The following CDC37 variants were observed in gnomAD, a reference collection of about 807,000 sequenced individuals.
CDC37 encodes the protein cell division cycle 37, HSP90 cochaperone, also known as hsp90 co-chaperone Cdc37.
In CDC37, 9 loss-of-function variants were observed where a neutral mutation model predicts 46.9. The ratio of observed to expected loss-of-function variants is 0.19; its 90% CI spans 0.12 to 0.33. The LOEUF (loss-of-function observed/expected upper bound fraction) is 0.33. CDC37 is among the 10% of genes least tolerant of loss of function. CDC37 has a pLI of 1.00. For synonymous variants in CDC37, 193 were observed against 191.0 expected (o/e 1.01, Z -0.09); for missense variants, 388 against 514.6 (o/e 0.75, Z 2.38).
intron 3 of CDC37, 36 bp from the exon 4 acceptor site, chr19:10,395,379 T>C: frequency 1.9e-6 from 3 of 1,608,794 alleles, no homozygotes; most frequent in Non-Finnish European, 2.6e-6. Context: ...TGGAGGGCCC[T>C]GGAGGCAAAG....
rs2042481280 is a variant in CDC37 at position 10,395,263 on chromosome 19, G to A, written c.568C>T (p.Leu190=). ...HLVCEETANY[L]VIWCIDLEVE... ...TCTAGGTCAATGCACCAAATGACCA[G>A]GTAATTGGCTGTCTCCTCGCACACC... Residue 190 remains leucine (L), a synonymous_variant, in exon 4 of 8, where the codon CTG becomes TTG. Transcript: ENST00000222005. 6.2e-7 allele frequency: 1 copy of A among 1,614,062 alleles called. No individual in the cohort carries two copies. The highest frequency in any genetic ancestry group is 8.5e-7 in the Non-Finnish European group (1 of 1,179,926).
chr19:10,400,310 G>A (rs911957816), intron 1 of CDC37, among the ~76,000 whole-genome samples: 2 of 152,176 alleles, frequency 1.3e-5, no homozygotes, highest in African/African-American at 4.8e-5. Context: ...ACCACTAACA[G>A]CAGCTGTCTC....
intron 5 of CDC37, 139 bp downstream of exon 5, chr19:10,394,882 C>G: frequency 4.2e-6 from 4 of 947,666 alleles, no homozygotes; most frequent in Non-Finnish European, 4.5e-6. Context: ...TCCTCCCTGG[C>G]CCCACCCTCT....
Position 10,395,714 on chromosome 19 carries a change from G to A in CDC37, c.379-171C>T, listed in dbSNP as rs529196446. 2.1e-5 allele frequency: 16 copies of A among 754,628 alleles called. No homozygotes were observed. The South Asian group carries it at 2.5e-4, about 12-fold the overall frequency. 46.7% of individuals were successfully genotyped at this position (754,628 alleles called of 1,614,324 possible). ...GCATGGGCCTTGGGGCAGATCAGAGGAGGGGACCGGTGGGGTGTTTCATCC... is the reference window on the plus strand; with the variant it reads ...GCATGGGCCTTGGGGCAGATCAGAGAAGGGGACCGGTGGGGTGTTTCATCC... On this transcript the variant is annotated intron_variant, in intron 2 of 7. Coordinates refer to ENST00000222005, the MANE Select transcript of CDC37 (RefSeq NM_007065.4).
chr19:10,393,318 T>C lies in CDC37; in HGVS notation c.850A>G (p.Lys284Glu). 6.2e-7 allele frequency: 1 copy of C among 1,614,046 alleles called. No individual in the cohort carries two copies. Among genetic ancestry groups the C allele is most frequent in the Non-Finnish European group, 8.5e-7 (1 of 1,179,958 alleles). Reference sequence around the variant, plus strand: ...AGGCCGCCGGGGCCGAGCCGCTTCTTGCGCTCCTCCTCCTCGTACTCCTTC... The same window carrying C: ...AGGCCGCCGGGGCCGAGCCGCTTCTCGCGCTCCTCCTCCTCGTACTCCTTC... Reference protein sequence around the residue: ...AMKEYEEEERKKRLGPGGLDP... With the variant: ...AMKEYEEEEREKRLGPGGLDP... The change falls in exon 6 of 8, where the codon AAG becomes GAG. Residue 284 changes from lysine (K) to glutamate (E), a missense_variant. Lys to Glu is a moderately conservative substitution (Grantham distance 56, BLOSUM62 1). Coordinates refer to ENST00000222005, the MANE Select transcript of CDC37 (RefSeq NM_007065.4). This position sits in a 1 kb window ranked among gnomAD's most constrained non-coding sequence, Gnocchi z 4.9.
chr19:10,403,286 G>A (rs2042529967), intron 1 of CDC37, 92 bp downstream of exon 1: 2 of 921,744 alleles, frequency 2.2e-6, no homozygotes, highest in Admixed American at 2.0e-5. Flanking sequence ...AGAATCCTAG[G>A]TGTGAACAGC....
At chr19:10,399,955 A>AAAAAAAAAAAAAAAAAAAAAAAC in intron 1 of CDC37, among the ~76,000 whole-genome samples, 1 of 148,404 alleles carries the variant, frequency 6.7e-6, no homozygotes, top group Non-Finnish European at 1.5e-5. Flanking sequence ...AAAAAAAAAA[A>AAAAAAAAAAAAAAAAAAAAAAAC]AGCAGCTGTG....
chr19:10,395,274 G>T lies in CDC37; in HGVS notation c.557C>A (p.Thr186Lys). 1 of 1,614,128 alleles carries T rather than the reference G, an allele frequency of 6.2e-7. No individual in the cohort carries two copies. The highest frequency in any genetic ancestry group is 8.5e-7 in the Non-Finnish European group (1 of 1,180,010). Residue 186 changes from threonine (T) to lysine (K), a missense_variant, in exon 4 of 8, where the codon ACA becomes AAA. Physicochemically the swap from Thr to Lys is moderately conservative, Grantham distance 78. Coordinates refer to ENST00000222005, the MANE Select transcript of CDC37 (RefSeq NM_007065.4). ...SDNVHLVCEE[T>K]ANYLVIWCID... ...GCACCAAATGACCAGGTAATTGGCT[G>T]TCTCCTCGCACACCAGGTGGACGTT...
chr19:10,403,005 G>T (rs761401103), intron 1 of CDC37, among the ~76,000 whole-genome samples: 1 of 152,172 alleles, frequency 6.6e-6, no homozygotes, highest in Non-Finnish European at 1.5e-5. Context: ...CGAATAGGAT[G>T]AGGGATCATC....
intron 5 of CDC37, among the ~76,000 whole-genome samples, chr19:10,394,390 C>T (rs1197166298): frequency 6.6e-6 from 1 of 152,132 alleles, no homozygotes; most frequent in Non-Finnish European, 1.5e-5. Context: ...TTTGCTCTGT[C>T]ACCCAGGCTG....
intron 1 of CDC37, among the ~76,000 whole-genome samples, chr19:10,399,680 C>G (rs2042508428): frequency 6.6e-6 from 1 of 151,226 alleles, no homozygotes; most frequent in South Asian, 2.1e-4. Context: ...TGCCTGTAAT[C>G]CCAACACTTT....
intron 4 of CDC37, 41 bp from the exon 5 acceptor site, chr19:10,395,184 T>C (rs770666678): frequency 6.2e-6 from 10 of 1,612,010 alleles, no homozygotes; most frequent in Non-Finnish European, 8.5e-6. Flanking sequence ...AGTGGCGGCC[T>C]CATGGCAGCG....
At chr19:10,399,983 T>G (rs1428133292) in intron 1 of CDC37, among the ~76,000 whole-genome samples, 1 of 143,796 alleles carries the variant, frequency 7.0e-6, no homozygotes, top group Non-Finnish European at 1.5e-5. Flanking sequence ...CAACTCCCTT[T>G]CTCCACGATG....
chr19:10,402,800 T>A (rs992524749), intron 1 of CDC37, among the ~76,000 whole-genome samples: 32 of 152,006 alleles, frequency 2.1e-4, no homozygotes, highest in Middle Eastern at 6.8e-3. Flanking sequence ...GGGTCCTGGG[T>A]GTGGGCAGGG....
At chr19:10,402,610 G>A (rs1258740866) in intron 1 of CDC37, among the ~76,000 whole-genome samples, 4 of 152,166 alleles carry the variant, frequency 2.6e-5, no homozygotes, top group African/African-American at 4.8e-5. Context: ...GAAGCCACGT[G>A]GGCAGGATTT....
rs369571829 is a variant in CDC37 at position 10,394,914 on chromosome 19, T to G, written c.726+107A>C. 6.0e-4 allele frequency: 730 copies of G among 1,216,814 alleles called. 14 individuals are homozygous for G. In the South Asian group the frequency reaches 0.014, roughly 23 times the overall value. 75.4% of individuals were successfully genotyped at this position (1,216,814 alleles called of 1,614,324 possible). ...CTCTCCTGATCTAGGATGCGGTGAC[T>G]GGAGGGGCTTGAGTCCCAGTGGAGA... On this transcript the variant is annotated intron_variant, in intron 5 of 7. Coordinates refer to ENST00000222005, the MANE Select transcript of CDC37 (RefSeq NM_007065.4).
In CDC37 at chr19:10,393,461, C is replaced by T; in HGVS notation, c.727-20G>A. ...GGCTGTCTATGGGGGTTGGGCAGTG[C>T]TCACTGGACCTGGCCCAACGCTCAG... On this transcript the variant is annotated intron_variant, in intron 5 of 7. Transcript: ENST00000222005. This position sits in a 1 kb window ranked among gnomAD's most constrained non-coding sequence, Gnocchi z 4.9. 6.3e-7 allele frequency: 1 copy of T among 1,599,314 alleles called. No individual in the cohort carries two copies. The highest frequency in any genetic ancestry group is 8.5e-7 in the Non-Finnish European group (1 of 1,173,234).
chr19:10,394,590 G>A (rs557522245), intron 5 of CDC37, among the ~76,000 whole-genome samples: 2 of 152,128 alleles, frequency 1.3e-5, no homozygotes, highest in South Asian at 2.1e-4. Context: ...AGGCTGAAGT[G>A]CAATGGCACG....
At chr19:10,400,338 G>A (rs930643552) in intron 1 of CDC37, among the ~76,000 whole-genome samples, 1 of 152,144 alleles carries the variant, frequency 6.6e-6, no homozygotes, top group African/African-American at 2.4e-5. Flanking sequence ...GAGAGCCGGC[G>A]AGCTGGGGCT....
Sources: gnomAD v4.1 joint callset for allele counts (sites outside exome capture counted in the v4.1 genomes callset) on GRCh38, gnomAD v4.1.1 for gene constraint, Gnocchi (gnomAD v3.1) non-coding constraint, MANE v1.5 for transcripts, NCBI Gene and HGNC (gene_info 2026-07-23, HGNC 2026-07-21) for gene names.